Variants in SYNPR observed in about 807,000 individuals in gnomAD.
SYNPR encodes the protein synaptoporin.
Under a neutral mutation model 32.9 loss-of-function variants are expected in SYNPR, and 23 were observed. That is an observed-to-expected ratio of 0.70 (90% CI 0.50 to 0.99). The LOEUF (loss-of-function observed/expected upper bound fraction) is 0.99, where lower values mean the gene tolerates loss of function less well. SYNPR is among the 50% of genes least tolerant of loss of function. The probability of loss-of-function intolerance (pLI) is 0.00; values close to 1 mark genes in which losing one functional copy is unlikely to be tolerated. For synonymous variants in SYNPR, 146 were observed against 135.9 expected, an observed-to-expected ratio of 1.07 and a Z score of -0.52; for missense variants, 318 against 349.3, an observed-to-expected ratio of 0.91 and a Z score of 0.71.
intron 2 of SYNPR, among the ~76,000 whole-genome samples, chr3:63,392,266 T>C (rs907945307): frequency 4.6e-5 from 7 of 152,182 alleles, no homozygotes; most frequent in Non-Finnish European, 7.3e-5. Context: ...TTTTCAGAAA[T>C]GCTACTTCTC....
intron 2 of SYNPR, among the ~76,000 whole-genome samples, chr3:63,315,544 G>A (rs191328944): frequency 1.6e-4 from 25 of 151,938 alleles, no homozygotes; most frequent in East Asian, 1.6e-3. Context: ...CTGTTTGGTC[G>A]CTGTTGATGT....
Position 63,425,159 on chromosome 3 carries a change from A to G in SYNPR, c.85-55673A>G, listed in dbSNP as rs529878806. On this transcript the variant is annotated intron_variant, in intron 2 of 5. Coordinates refer to ENST00000478300, the MANE Select transcript of SYNPR (RefSeq NM_001130003.2). ...AGATGGAAAAATGCTCACGATATAA[A>G]CATCAGGGAGGAAAAGCAGGATTAA... 2.6e-5 allele frequency among the ~76,000 whole-genome samples: 4 copies of G among 152,330 alleles called. No homozygotes were observed. In the South Asian group the frequency reaches 6.2e-4, roughly 24 times the overall value.
chr3:63,377,133 T>C (rs1237416682), intron 2 of SYNPR, among the ~76,000 whole-genome samples: 2 of 152,170 alleles, frequency 1.3e-5, no homozygotes, highest in Non-Finnish European at 2.9e-5. Context: ...AAATCCAAGA[T>C]TAATGTTAAT....
intron 2 of SYNPR, among the ~76,000 whole-genome samples, chr3:63,384,893 A>G (rs376112888): frequency 2.6e-5 from 4 of 152,080 alleles, no homozygotes; most frequent in Admixed American, 2.6e-4. Context: ...TCAATTTTAG[A>G]TTTTTCCAAC....
intron 2 of SYNPR, chr3:63,452,055 C>T: frequency 1.4e-6 from 1 of 701,912 alleles, no homozygotes; most frequent in Non-Finnish European, 2.6e-6. Flanking sequence ...CTTTCTCCCA[C>T]TGCCTTCACA....
intron 2 of SYNPR, among the ~76,000 whole-genome samples, chr3:63,441,492 CAG>C (rs975618151): frequency 6.6e-5 from 10 of 152,232 alleles, no homozygotes; most frequent in African/African-American, 2.4e-4. Context: ...GCCTTCAGCA[CAG>C]AGACACTATT....
chr3:63,285,376 T>TA (rs11400989), intron 2 of SYNPR, among the ~76,000 whole-genome samples: 69,943 of 152,022 alleles, frequency 0.46, 16,260 homozygotes, highest in Middle Eastern at 0.52. Flanking sequence ...CCTCTTTTGT[T>TA]AAAAAAAGTG....
intron 1 of SYNPR, among the ~76,000 whole-genome samples, chr3:63,247,426 G>A (rs2086300907): frequency 6.6e-6 from 1 of 152,000 alleles, no homozygotes; most frequent in African/African-American, 2.4e-5. Flanking sequence ...TGAAATTTTA[G>A]ACTTACTTCT....
chr3:63,580,088 CAAAGAAGTTGGTG>C (rs892986359), intron 4 of SYNPR, among the ~76,000 whole-genome samples: 1 of 152,088 alleles, frequency 6.6e-6, no homozygotes, highest in African/African-American at 2.4e-5. Context: ...TATTGAGAAC[CAAAGAAGTTGGTG>C]AATATTAGAA....
intron 2 of SYNPR, among the ~76,000 whole-genome samples, chr3:63,413,853 G>A (rs1209695799): frequency 1.3e-5 from 2 of 151,998 alleles, no homozygotes; most frequent in Non-Finnish European, 2.9e-5. Flanking sequence ...GGATAATGGA[G>A]GAGTTGAACA....
intron 2 of SYNPR, among the ~76,000 whole-genome samples, chr3:63,358,885 C>G (rs1259148609): frequency 6.6e-6 from 1 of 152,084 alleles, no homozygotes; most frequent in Non-Finnish European, 1.5e-5. Flanking sequence ...GGATAGTAAC[C>G]CAGGCAGTCT....
At chr3:63,337,815 C>T (rs1231096583) in intron 2 of SYNPR, among the ~76,000 whole-genome samples, 1 of 152,032 alleles carries the variant, frequency 6.6e-6, no homozygotes, top group African/African-American at 2.4e-5. Flanking sequence ...AAAGGCAAAA[C>T]TATAGAAACC....
intron 3 of SYNPR, among the ~76,000 whole-genome samples, chr3:63,509,263 G>C (rs1701647259): frequency 7.8e-6 from 1 of 128,790 alleles, no homozygotes; most frequent in Non-Finnish European, 1.6e-5. Flanking sequence ...ACACAATTAA[G>C]GCTGAAAGTT....
intron 4 of SYNPR, among the ~76,000 whole-genome samples, chr3:63,582,001 G>A (rs968558379): frequency 3.9e-5 from 6 of 152,078 alleles, no homozygotes. Context: ...CTTCCCAGGT[G>A]TTTTCCAATA....
chr3:63,492,655 A>T (rs1198933174), intron 3 of SYNPR, among the ~76,000 whole-genome samples: 1 of 152,186 alleles, frequency 6.6e-6, no homozygotes, highest in East Asian at 1.9e-4. Flanking sequence ...GACAAGCGGC[A>T]GAGATTAAAT....
Position 63,443,557 on chromosome 3 carries a change from A to G in SYNPR, c.85-37275A>G, listed in dbSNP as rs1484689739. ...CTCCATAGGCACATTTGGATTGTACACTTTTCTTTCCAAGTATCAGTTTTT... is the reference window on the plus strand; with the variant it reads ...CTCCATAGGCACATTTGGATTGTACGCTTTTCTTTCCAAGTATCAGTTTTT... On this transcript the variant is annotated intron_variant, in intron 2 of 5. Coordinates refer to ENST00000478300, the MANE Select transcript of SYNPR (RefSeq NM_001130003.2). 2.8e-6 allele frequency: 4 copies of G among 1,408,078 alleles called. No individual in the cohort carries two copies. The East Asian group carries it at 9.7e-5, about 34-fold the overall frequency. 87.2% of individuals were successfully genotyped at this position (1,408,078 alleles called of 1,614,324 possible).
At chr3:63,382,854 A>T (rs2087989605) in intron 2 of SYNPR, among the ~76,000 whole-genome samples, 1 of 152,170 alleles carries the variant, frequency 6.6e-6, no homozygotes, top group Non-Finnish European at 1.5e-5. Context: ...TACTTATTGA[A>T]GAGAGGAGGG....
At chr3:63,378,261 C>T (rs1182599436) in intron 2 of SYNPR, among the ~76,000 whole-genome samples, 3 of 151,962 alleles carry the variant, frequency 2.0e-5, no homozygotes, top group South Asian at 2.1e-4. Context: ...TCTCTTTAAA[C>T]TCTATTATGG....
chr3:63,538,922 A>G (rs539850697), intron 3 of SYNPR, among the ~76,000 whole-genome samples: 1 of 152,244 alleles, frequency 6.6e-6, no homozygotes, highest in East Asian at 1.9e-4. Flanking sequence ...ATATGATTTT[A>G]TTGTTTGTAT....
Sources: gnomAD v4.1 joint callset for allele counts (sites outside exome capture counted in the v4.1 genomes callset) on GRCh38, gnomAD v4.1.1 for gene constraint, MANE v1.5 for transcripts, NCBI Gene and HGNC (gene_info 2026-07-23, HGNC 2026-07-21) for gene names.